DGKE: variants seen among roughly 807,000 people sequenced by gnomAD.
DGKE encodes diacylglycerol kinase epsilon.
DGKE carries 53 observed loss-of-function variants against 70.0 expected under a neutral mutation model. The ratio of observed to expected loss-of-function variants is 0.76; its 90% CI spans 0.61 to 0.95. The LOEUF is 0.95. DGKE is among the 40% of genes least tolerant of loss of function. DGKE has a pLI of 0.00. For missense variants in DGKE, 655 were observed against 706.9 expected (o/e 0.93, Z 0.83); for synonymous variants, 291 against 257.0 (o/e 1.13, Z -1.27).
chr17:56,843,690 T>C (rs1324984631), intron 2 of DGKE, among the ~76,000 whole-genome samples: 1 of 150,926 alleles, frequency 6.6e-6, no homozygotes, highest in East Asian at 2.0e-4. Flanking sequence ...TCCCAGCTAC[T>C]TGGGAGACTA....
At chr17:56,858,548 A>AGGGG in intron 8 of DGKE, 46 bp from the exon 9 acceptor site, 1 of 1,469,072 alleles carries the variant, frequency 6.8e-7, no homozygotes. Flanking sequence ...TATTGTTTAC[A>AGGGG]GGGTTAGATT....
chr17:56,858,678 C>A lies in DGKE; in HGVS notation c.1284+13C>A, dbSNP rs754272441. 3.2e-6 allele frequency: 5 copies of A among 1,569,100 alleles called. No homozygotes were observed. The highest frequency in any genetic ancestry group is 1.2e-5 in the South Asian group (1 of 85,168). On this transcript the variant is annotated intron_variant, in intron 9 of 11. Coordinates refer to ENST00000284061, the MANE Select transcript of DGKE (RefSeq NM_003647.3). The stretch of plus-strand genomic sequence containing the variant: ...TAAAAAAGTTGAGGTAAGCTATTAA[C>A]ACTTTTTATTTTTTAAAGTTTTAGG...
intron 2 of DGKE, 168 bp downstream of exon 2, chr17:56,835,427 A>G: frequency 1.4e-6 from 1 of 726,004 alleles, no homozygotes; most frequent in Non-Finnish European, 2.2e-6. Flanking sequence ...GCAGCTTTGC[A>G]GTAGTCATTT....
intron 8 of DGKE, among the ~76,000 whole-genome samples, chr17:56,857,333 G>A (rs530681470): frequency 2.0e-4 from 30 of 152,324 alleles, no homozygotes; most frequent in African/African-American, 7.2e-4. Context: ...CCAAAAGGCA[G>A]ATGAGATAAA....
intron 2 of DGKE, among the ~76,000 whole-genome samples, chr17:56,842,251 C>T (rs545359242): frequency 6.6e-6 from 1 of 151,900 alleles, no homozygotes; most frequent in East Asian, 1.9e-4. Flanking sequence ...TTTTTATAAG[C>T]TAGTATTTAA....
intron 4 of DGKE, 134 bp from the exon 5 acceptor site, chr17:56,847,788 C>T: frequency 2.0e-6 from 1 of 488,856 alleles, no homozygotes; most frequent in Non-Finnish European, 3.3e-6. Context: ...TGGCAGGGTG[C>T]CTGGCATATT....
chr17:56,853,661 TAAC>T (rs1907778152), intron 7 of DGKE, among the ~76,000 whole-genome samples: 1 of 152,222 alleles, frequency 6.6e-6, no homozygotes, highest in Non-Finnish European at 1.5e-5. Flanking sequence ...TGGTGAGTAA[TAAC>T]AAATGTTGGC....
At chr17:56,852,604 ATTTT>A (rs1907721379) in intron 7 of DGKE, among the ~76,000 whole-genome samples, 4 of 149,172 alleles carry the variant, frequency 2.7e-5, no homozygotes, top group African/African-American at 9.8e-5. Context: ...GCTTTGATTT[ATTTT>A]AAAAAAAAAA....
intron 3 of DGKE, 50 bp downstream of exon 3, chr17:56,844,228 A>T (rs371398820): frequency 3.5e-4 from 448 of 1,293,754 alleles, no homozygotes; most frequent in Non-Finnish European, 4.2e-4. Flanking sequence ...AAAGCTGCTT[A>T]ACTCATTGTT....
chr17:56,834,446 C>A (rs1355056882), intron 1 of DGKE, among the ~76,000 whole-genome samples, 186 bp downstream of exon 1: 1 of 152,354 alleles, frequency 6.6e-6, no homozygotes, highest in African/African-American at 2.4e-5. Context: ...CCCGGCCTTT[C>A]GGTGGAGGGC....
chr17:56,844,974 AG>A (rs370339100), intron 3 of DGKE, among the ~76,000 whole-genome samples: 1 of 152,172 alleles, frequency 6.6e-6, no homozygotes, highest in Non-Finnish European at 1.5e-5. Flanking sequence ...TATTCCTGCA[AG>A]GGAAGGGACA....
intron 4 of DGKE, 34 bp downstream of exon 4, chr17:56,845,843 T>G (rs765815624): frequency 1.3e-6 from 2 of 1,554,134 alleles, no homozygotes; most frequent in Non-Finnish European, 1.7e-6. Context: ...ATATTAATGT[T>G]TTCATTTTCC....
chr17:56,867,827 A>AGAGCTTGCAGGGAGGCG lies in DGKE; in HGVS notation c.*5047_*5063dup, dbSNP rs1908592712. Reference sequence around the variant, plus strand: ...GGAGAATGGCGTGAACCCGGGAGGCAGAGCTTGCAGGGAGGCGGAGCTTGC... The same window carrying AGAGCTTGCAGGGAGGCG: ...GGAGAATGGCGTGAACCCGGGAGGCAGAGCTTGCAGGGAGGCGGAGCTTGCAGGGAGGCGGAGCTTGC... On this transcript the variant is annotated 3_prime_UTR_variant, in exon 12 of 12. Transcript: ENST00000284061. 1 of 150,596 alleles carries AGAGCTTGCAGGGAGGCG rather than the reference A, an allele frequency of 6.6e-6. No individual in the cohort carries two copies. Among genetic ancestry groups the AGAGCTTGCAGGGAGGCG allele is most frequent in the South Asian group, 2.1e-4 (1 of 4,796 alleles). The allele number at this position is 150,596 out of a possible 1,614,324, so 9.3% of individuals were successfully genotyped here.
Position 56,866,020 on chromosome 17 carries a change from C to T in DGKE, c.*3229C>T, listed in dbSNP as rs933303812. On this transcript the variant is annotated 3_prime_UTR_variant, in exon 12 of 12. Coordinates refer to ENST00000284061, the MANE Select transcript of DGKE (RefSeq NM_003647.3). Reference sequence around the variant, plus strand: ...TATATTGATAATTTTTTTAATATTTCTACCCAGTTGAGGACAGTGGAATAT... The same window carrying T: ...TATATTGATAATTTTTTTAATATTTTTACCCAGTTGAGGACAGTGGAATAT... The T allele has an allele frequency of 1.3e-5, 2 of 151,978 alleles. No homozygotes were observed. The highest frequency in any genetic ancestry group is 4.8e-5 in the African/African-American group (2 of 41,368). 9.4% of individuals were successfully genotyped at this position (151,978 alleles called of 1,614,324 possible).
chr17:56,846,149 A>G (rs1376815692), intron 4 of DGKE: 1 of 162,986 alleles, frequency 6.1e-6, no homozygotes, highest in Non-Finnish European at 1.3e-5. Flanking sequence ...ATGATAGCTG[A>G]AAAGCATAAA....
At position 56,856,355 on chromosome 17, in the gene DGKE, G is replaced by A. The variant is rs561388000; in HGVS notation, c.1099-157G>A. ...AGCCTTAAATGGAAGCTTTATTTCT[G>A]GTAACTTCACTGGACAGTATAAAAT... On this transcript the variant is annotated intron_variant, in intron 7 of 11. Transcript: ENST00000284061. Among the ~76,000 whole-genome samples the A allele has an allele frequency of 1.1e-4, 16 of 152,240 alleles. No individual in the cohort carries two copies. In the South Asian group the frequency reaches 3.3e-3, roughly 32 times the overall value.
Position 56,834,828 on chromosome 17 carries a change from G to T in DGKE, c.33G>T (p.Ser11=), listed in dbSNP as rs368821435. The change falls in exon 2 of 12, where the codon TCG becomes TCT. Residue 11 remains serine (S), a synonymous_variant. Coordinates refer to ENST00000284061, the MANE Select transcript of DGKE (RefSeq NM_003647.3). ...CGGAGAGGCGGCCGGCGCCGGGCTC[G>T]CCCTCCGAGGGCCTGTTTGCGGACG... is the stretch of plus-strand genomic sequence containing the variant. MEAERRPAPG[S]PSEGLFADGH... is the part of the protein sequence containing the mutation. 1.5e-5 allele frequency: 24 copies of T among 1,607,486 alleles called. No individual in the cohort carries two copies. The African/African-American group carries it at 1.9e-4, about 13-fold the overall frequency.
At chr17:56,855,801 C>G (rs887294283) in intron 7 of DGKE, among the ~76,000 whole-genome samples, 16 of 151,990 alleles carry the variant, frequency 1.1e-4, no homozygotes, top group African/African-American at 3.6e-4. Flanking sequence ...GTCAGGAGCT[C>G]GAGACCAGCC....
intron 7 of DGKE, among the ~76,000 whole-genome samples, chr17:56,854,813 C>T (rs897096473): frequency 1.3e-5 from 2 of 152,108 alleles, no homozygotes; most frequent in Admixed American, 6.5e-5. Flanking sequence ...AGTTTCACAC[C>T]AGTTAGATGA....
Sources: allele counts gnomAD v4.1 joint callset (sites outside exome capture counted in the v4.1 genomes callset), GRCh38; gene constraint gnomAD v4.1.1; transcripts MANE v1.5; gene names NCBI Gene and HGNC (gene_info 2026-07-23, HGNC 2026-07-21).